PRPSAP1: variants seen among roughly 807,000 people sequenced by gnomAD.
PRPSAP1 encodes the protein phosphoribosyl pyrophosphate synthase-associated protein 1.
PRPSAP1 carries 31 observed loss-of-function variants against 39.4 expected under a neutral mutation model. The observed-to-expected ratio is 0.79, with a 90% CI of 0.59 to 1.06. The LOEUF (loss-of-function observed/expected upper bound fraction) is 1.06. PRPSAP1 is among the 50% of genes least tolerant of loss of function. The pLI, the probability that PRPSAP1 is intolerant of heterozygous loss-of-function variation, is 0.00. For synonymous variants in PRPSAP1, 212 were observed against 192.6 expected (o/e 1.10, Z -0.83); for missense variants, 430 against 511.6 (o/e 0.84, Z 1.54).
At chr17:76,318,813 C>A (rs1461832782) in intron 7 of PRPSAP1, among the ~76,000 whole-genome samples, 4 of 152,172 alleles carry the variant, frequency 2.6e-5, no homozygotes, top group African/African-American at 7.2e-5. Context: ...CCGGGGAAAC[C>A]ATGGTTATGA....
At chr17:76,353,083 C>T in intron 1 of PRPSAP1, 1 of 158,316 alleles carries the variant, frequency 6.3e-6, no homozygotes, top group Non-Finnish European at 1.4e-5. Flanking sequence ...ACCGCACCTG[C>T]CGCGTCGGAT....
intron 7 of PRPSAP1, among the ~76,000 whole-genome samples, chr17:76,322,673 T>C (rs1198315244): frequency 1.3e-5 from 2 of 152,102 alleles, no homozygotes; most frequent in Non-Finnish European, 2.9e-5. Context: ...AGACCCTGTC[T>C]CTACTAAAAA....
chr17:76,315,658 T>C (rs2071114505), intron 7 of PRPSAP1, among the ~76,000 whole-genome samples: 1 of 150,506 alleles, frequency 6.6e-6, no homozygotes. Flanking sequence ...ATTCTGTTTT[T>C]AAATTAAACC....
chr17:76,315,700 C>CTT lies in PRPSAP1; in HGVS notation c.782-1811_782-1810dup, dbSNP rs71161279. ...ACACGCAGTTATGTTGACCTATCCG[C>CTT]TTTTTTTTTTTTTTTTTTTTTTTTT... is the stretch of plus-strand genomic sequence containing the variant. On this transcript the variant is annotated intron_variant, in intron 7 of 9. Transcript: ENST00000446526. 1.7e-3 allele frequency among the ~76,000 whole-genome samples: 120 copies of CTT among 72,664 alleles called. 19 individuals carry two copies. The highest frequency in any genetic ancestry group is 4.1e-3 in the African/African-American group (64 of 15,572). 47.7% of individuals were successfully genotyped at this position (72,664 alleles called of 152,430 possible). A position where few individuals can be genotyped will look rare whatever the true frequency, so the allele number is the denominator to read the frequency against.
At chr17:76,318,727 G>A (rs1408765999) in intron 7 of PRPSAP1, among the ~76,000 whole-genome samples, 1 of 152,154 alleles carries the variant, frequency 6.6e-6, no homozygotes, top group African/African-American at 2.4e-5. Context: ...GATGATAACT[G>A]TGAAAGTTGC....
At chr17:76,318,258 G>A (rs1334728887) in intron 7 of PRPSAP1, among the ~76,000 whole-genome samples, 1 of 152,060 alleles carries the variant, frequency 6.6e-6, no homozygotes, top group African/African-American at 2.4e-5. Flanking sequence ...GACCAGCCTG[G>A]CCAAGATGGT....
chr17:76,353,768 G>T lies in PRPSAP1; in HGVS notation c.-65C>A. 1 of 1,395,668 alleles carries T rather than the reference G, an allele frequency of 7.2e-7. No individual in the cohort carries two copies. 86.5% of individuals were successfully genotyped at this position (1,395,668 alleles called of 1,614,324 possible). On this transcript the variant is annotated 5_prime_UTR_variant, in exon 1 of 10. Coordinates refer to ENST00000446526, the MANE Select transcript of PRPSAP1 (RefSeq NM_002766.3). ...GGCTGCACTCTGAGTGCTTCCGACT[G>T]CGAGACCCCGGTTTGGGTGGGGAAG...
intron 2 of PRPSAP1, among the ~76,000 whole-genome samples, chr17:76,347,503 A>G (rs895111228): frequency 6.6e-6 from 1 of 150,626 alleles, no homozygotes; most frequent in Non-Finnish European, 1.5e-5. Context: ...AAAAAAAAAA[A>G]AAAAAAAAAG....
intron 7 of PRPSAP1, among the ~76,000 whole-genome samples, chr17:76,315,123 G>A (rs950548567): frequency 6.6e-6 from 1 of 152,172 alleles, no homozygotes; most frequent in African/African-American, 2.4e-5. Context: ...GGTGCTTAAA[G>A]TAGAGACTTT....
Position 76,353,658 on chromosome 17 carries a change from C to T in PRPSAP1, c.46G>A (p.Ala16Thr). The stretch of plus-strand genomic sequence containing the variant: ...GGGCGGGCGCGCGGGACGCGGAAAG[C>T]CGAGGACGCGGAGGGCGGGGGCAAC... ...LLLPPPSASSAFRVPRARPVP... is the reference protein window; with the variant it reads ...LLLPPPSASSTFRVPRARPVP... The change falls in exon 1 of 10, where the codon GCT becomes ACT. Residue 16 changes from alanine to threonine, a missense_variant. Ala to Thr is a moderately conservative substitution (Grantham distance 58). Around this residue, in one of 2 missense-constraint regions of PRPSAP1, gnomAD observed 152 missense variants for 135.2 expected, o/e 1.12. Transcript: ENST00000446526. The T allele has an allele frequency of 6.5e-7, 1 of 1,528,604 alleles. No homozygotes were observed. Among genetic ancestry groups the T allele is most frequent in the South Asian group, 1.2e-5 (1 of 82,914 alleles). 94.7% of individuals were successfully genotyped at this position (1,528,604 alleles called of 1,614,324 possible).
chr17:76,348,811 A>C (rs2071537967), intron 1 of PRPSAP1, among the ~76,000 whole-genome samples: 1 of 152,206 alleles, frequency 6.6e-6, no homozygotes, highest in African/African-American at 2.4e-5. Flanking sequence ...ACCCATGGTT[A>C]ATGTCTGGTG....
chr17:76,330,465 C>T (rs1438854259), intron 5 of PRPSAP1, 86 bp downstream of exon 5: 2 of 995,036 alleles, frequency 2.0e-6, no homozygotes, highest in Non-Finnish European at 3.0e-6. Context: ...ATTTGATGTG[C>T]CTTCCAGTAA....
At chr17:76,329,236 A>AT (rs1457156548) in intron 6 of PRPSAP1, among the ~76,000 whole-genome samples, 2 of 151,904 alleles carry the variant, frequency 1.3e-5, no homozygotes, top group East Asian at 1.9e-4. Flanking sequence ...ACAACTGGCT[A>AT]TTTTTTGTAT....
At chr17:76,312,795 T>C in intron 9 of PRPSAP1, 75 bp downstream of exon 9, 1 of 1,530,470 alleles carries the variant, frequency 6.5e-7, no homozygotes, top group Non-Finnish European at 8.8e-7. Flanking sequence ...AGCAATTTAG[T>C]ATTGACTGAA....
At chr17:76,312,390 T>C (rs976520129) in intron 9 of PRPSAP1, among the ~76,000 whole-genome samples, 3 of 151,660 alleles carry the variant, frequency 2.0e-5, no homozygotes, top group East Asian at 1.9e-4. Flanking sequence ...TGAGCCGAGA[T>C]TGCCACACTG....
chr17:76,330,339 T>C (rs559036338), intron 5 of PRPSAP1: 5 of 599,586 alleles, frequency 8.3e-6, no homozygotes, highest in African/African-American at 3.7e-5. Flanking sequence ...CATAAGCAAA[T>C]TGCTAAAGAT....
At chr17:76,329,751 A>G (rs1366724800) in intron 6 of PRPSAP1, among the ~76,000 whole-genome samples, 1 of 152,134 alleles carries the variant, frequency 6.6e-6, no homozygotes, top group Non-Finnish European at 1.5e-5. Context: ...AAAAACAAAA[A>G]AAAAAACCAT....
chr17:76,334,624 TA>T (rs1055190597), intron 3 of PRPSAP1, among the ~76,000 whole-genome samples: 1 of 136,872 alleles, frequency 7.3e-6, no homozygotes, highest in Non-Finnish European at 1.5e-5. Flanking sequence ...ATTCTATGAT[TA>T]AAAAAAACAA....
rs1231423644 is a variant in PRPSAP1 at position 76,330,363 on chromosome 17, ATC to A, written c.579+186_579+187del. 1.3e-5 allele frequency: 8 copies of A among 604,152 alleles called. No individual in the cohort carries two copies. In the East Asian group the frequency reaches 2.3e-4, roughly 17 times the overall value. 37.4% of individuals were successfully genotyped at this position (604,152 alleles called of 1,614,324 possible). ...ATTGCTAAAGATACGTAGAAAAAAA[ATC>A]TGTTTTTAGTGTCTTTTAAAGCTAT... On this transcript the variant is annotated intron_variant, in intron 5 of 9. Transcript: ENST00000446526.
Sources: gnomAD v4.1 joint callset for allele counts (sites outside exome capture counted in the v4.1 genomes callset) on GRCh38, gnomAD v4.1.1 for gene constraint, gnomAD v4.1.1 regional missense constraint, MANE v1.5 for transcripts, NCBI Gene and HGNC (gene_info 2026-07-23, HGNC 2026-07-21) for gene names.